Variants in DRG2 observed in about 807,000 individuals in gnomAD.
The protein encoded by DRG2 is developmentally regulated GTP binding protein 2.
In DRG2, 36 loss-of-function variants were observed where a neutral mutation model predicts 53.4. That is an observed-to-expected ratio of 0.67 (90% CI 0.52 to 0.89). The LOEUF is 0.89. Ranked by LOEUF, DRG2 falls within the 40% of genes least tolerant of loss-of-function variation. The pLI, the probability that DRG2 is intolerant of heterozygous loss-of-function variation, is 0.00. For missense variants in DRG2, 342 were observed against 481.2 expected (o/e 0.71, Z 2.71); for synonymous variants, 167 against 192.1 (o/e 0.87, Z 1.08).
At chr17:18,101,665 T>G in intron 8 of DRG2, 75 bp downstream of exon 8, 1 of 1,448,850 alleles carries the variant, frequency 6.9e-7, no homozygotes. Flanking sequence ...TCCCGGAACC[T>G]TGTGAGAGAA....
Position 18,100,082 on chromosome 17 carries a change from G to A in DRG2, c.468-281G>A. ...GGGGTACACCAGGCCTGCCTCCTCG[G>A]GACCAGAAGGAGTACCCTCATGTGG... On this transcript the variant is annotated intron_variant, in intron 5 of 12. Transcript: ENST00000225729. This position sits in a 1 kb window ranked among gnomAD's most constrained non-coding sequence, Gnocchi z 4.1. The A allele has an allele frequency of 1.7e-6, 1 of 578,706 alleles. No individual in the cohort carries two copies. The allele number at this position is 578,706 out of a possible 1,614,324, so 35.8% of individuals were successfully genotyped here.
chr17:18,088,086 G>C lies in DRG2; in HGVS notation c.63G>C (p.Lys21Asn). The change falls in exon 1 of 13, where the codon AAG becomes AAC. Residue 21 changes from lysine to asparagine, a missense_variant and splice_region_variant. Lys to Asn is a moderately conservative substitution (Grantham distance 94, BLOSUM62 0). Coordinates refer to ENST00000225729, the MANE Select transcript of DRG2 (RefSeq NM_001388.5). ...EKEIARTQKN[K>N]ATEYHLGLLK... ...AGATCGCTCGGACACAGAAGAACAA[G>C]GGTGAGGGCCGGCCGGGCGGGGCCT... 1.3e-6 allele frequency: 2 copies of C among 1,545,372 alleles called. No homozygotes were observed. Among genetic ancestry groups the C allele is most frequent in the Non-Finnish European group, 1.7e-6 (2 of 1,144,476 alleles).
chr17:18,095,760 A>G (rs1156738153), intron 2 of DRG2: 1 of 152,206 alleles, frequency 6.6e-6, no homozygotes, highest in Non-Finnish European at 1.5e-5. Context: ...CAAAGGTAAT[A>G]CAGAGTTCCC....
In DRG2 at chr17:18,107,210, T is replaced by C. The variant is rs778885584; in HGVS notation, c.1065T>C (p.His355=). 41 of 1,613,292 alleles carry C rather than the reference T, an allele frequency of 2.5e-5. No homozygotes were observed. The highest frequency in any genetic ancestry group is 3.1e-5 in the Non-Finnish European group (36 of 1,180,026). The part of the protein sequence containing the change: ...QRVGLTHTME[H]EDVIQIVKK ...TGGGCCTGACCCACACCATGGAGCA[T>C]GAGGACGTCATCCAGATCGTGAAGA... The change falls in exon 13 of 13, where the codon CAT becomes CAC. Residue 355 remains histidine (H), a synonymous_variant. Coordinates refer to ENST00000225729, the MANE Select transcript of DRG2 (RefSeq NM_001388.5).
chr17:18,102,476 C>A (rs2142202016), intron 9 of DRG2, among the ~76,000 whole-genome samples: 1 of 73,542 alleles, frequency 1.4e-5, no homozygotes, highest in Non-Finnish European at 3.1e-5. Flanking sequence ...CAAAAATTAG[C>A]TGGGCGTGGT....
intron 2 of DRG2, chr17:18,096,188 T>C (rs140636200): frequency 6.6e-6 from 1 of 152,288 alleles, no homozygotes; most frequent in African/African-American, 2.4e-5. Context: ...CTGGCTGAGG[T>C]GTGTCAGGTT....
intron 1 of DRG2, among the ~76,000 whole-genome samples, chr17:18,089,422 G>A (rs899586439): frequency 1.3e-5 from 2 of 152,216 alleles, no homozygotes; most frequent in African/African-American, 4.8e-5. Flanking sequence ...TTACAGGCAT[G>A]AGCCACCGTG....
At position 18,088,038 on chromosome 17, in the gene DRG2, G is replaced by A. The variant is rs755726092; in HGVS notation, c.15G>A (p.Glu5=). The A allele has an allele frequency of 6.5e-7, 1 of 1,549,960 alleles. No homozygotes were observed. Residue 5 remains glutamate, a synonymous_variant, in exon 1 of 13, where the codon GAG becomes GAA. Transcript: ENST00000225729. MGIL[E]KISEIEKEIA... ...CTGCTGCTACCATGGGGATCTTAGA[G>A]AAGATCTCGGAGATCGAGAAGGAGA...
chr17:18,090,537 C>A (rs968270194), intron 1 of DRG2, among the ~76,000 whole-genome samples: 10 of 147,632 alleles, frequency 6.8e-5, no homozygotes, highest in Admixed American at 6.2e-4. Flanking sequence ...CTGCCTCAGT[C>A]TCCCAGGTGT....
In DRG2 at chr17:18,104,658, A is replaced by G. The variant is rs753668831; in HGVS notation, c.931A>G (p.Lys311Glu). The G allele has an allele frequency of 1.2e-6, 2 of 1,613,880 alleles. No individual in the cohort carries two copies. Among genetic ancestry groups the G allele is most frequent in the South Asian group, 2.2e-5 (2 of 91,088 alleles). The change falls in exon 11 of 13, where the codon AAA becomes GAA. Residue 311 changes from lysine to glutamate, a missense_variant. Lys to Glu is a moderately conservative substitution (Grantham distance 56, BLOSUM62 1). Coordinates refer to ENST00000225729, the MANE Select transcript of DRG2 (RefSeq NM_001388.5). ...PDFTDAIILR[K>E]GASVEHVCHR... ...CTTCACAGACGCCATCATTCTCCGG[A>G]AAGGGGCCTCAGTGGAGCACGTGGT...
chr17:18,102,239 G>T (rs2045550760), intron 9 of DRG2, among the ~76,000 whole-genome samples: 1 of 152,224 alleles, frequency 6.6e-6, no homozygotes, highest in Admixed American at 6.5e-5. Context: ...TTCCAGTTCT[G>T]AATTGCCGTG....
chr17:18,099,586 A>T lies in DRG2; in HGVS notation c.377-47A>T. 1.3e-6 allele frequency: 2 copies of T among 1,561,416 alleles called. No homozygotes were observed. The highest frequency in any genetic ancestry group is 1.7e-6 in the Non-Finnish European group (2 of 1,151,564). On this transcript the variant is annotated intron_variant, in intron 4 of 12. Coordinates refer to ENST00000225729, the MANE Select transcript of DRG2 (RefSeq NM_001388.5). The surrounding 1 kb of genome is among the most constrained non-coding windows in gnomAD (Gnocchi z 4.4). Reference sequence around the variant, plus strand: ...TCCAGGGCGCCGTGGGCTGGGTAGCAGTCACATGGGTCCACATATGTAACT... The same window carrying T: ...TCCAGGGCGCCGTGGGCTGGGTAGCTGTCACATGGGTCCACATATGTAACT...
At chr17:18,101,762 G>A (rs2045541522) in intron 8 of DRG2, among the ~76,000 whole-genome samples, 159 bp from the exon 9 acceptor site, 1 of 152,182 alleles carries the variant, frequency 6.6e-6, no homozygotes, top group South Asian at 2.1e-4. Flanking sequence ...TGAAACCAGG[G>A]TTCCAGCCCA....
At chr17:18,094,660 A>T (rs1015964694) in intron 2 of DRG2, among the ~76,000 whole-genome samples, 2 of 152,076 alleles carry the variant, frequency 1.3e-5, no homozygotes, top group African/African-American at 4.8e-5. Context: ...TGGATTGAAG[A>T]ATGAAACTGC....
chr17:18,099,023 G>T lies in DRG2; in HGVS notation c.322G>T (p.Gly108Cys). 1.2e-6 allele frequency: 2 copies of T among 1,614,104 alleles called. No individual in the cohort carries two copies. Among genetic ancestry groups the T allele is most frequent in the Non-Finnish European group, 1.7e-6 (2 of 1,180,000 alleles). ...CTTCTCTTCTGCATCCTAGTACAAA[G>T]GTGCCAACATCCAGCTCCTGGACCT... Reference protein sequence around the residue: ...TCIPGVIEYKGANIQLLDLPG... With the variant: ...TCIPGVIEYKCANIQLLDLPG... Residue 108 changes from glycine (G) to cysteine (C), a missense_variant, in exon 4 of 13, where the codon GGT (glycine) becomes TGT (cysteine). Gly to Cys is a radical substitution (Grantham distance 159). Transcript: ENST00000225729. The surrounding 1 kb of genome is among the most constrained non-coding windows in gnomAD (Gnocchi z 4.4).
At chr17:18,091,633 G>C (rs973116745) in intron 1 of DRG2, among the ~76,000 whole-genome samples, 2 of 152,022 alleles carry the variant, frequency 1.3e-5, no homozygotes, top group Non-Finnish European at 2.9e-5. Flanking sequence ...AAGGCGGGCG[G>C]ATCACCTGAC....
rs2230317 is a variant in DRG2, at chr17:18,107,222, C to T, written c.1077C>T (p.Ile359=). The change falls in exon 13 of 13, where the codon ATC becomes ATT. Residue 359 remains isoleucine (I), a synonymous_variant. Transcript: ENST00000225729. ...LTHTMEHEDV[I]QIVKK ...ACACCATGGAGCATGAGGACGTCAT[C>T]CAGATCGTGAAGAAGTAACGGCGCC... 8,486 of 1,613,272 alleles carry T rather than the reference C, an allele frequency of 5.3e-3. 396 individuals carry two copies. The African/African-American group carries it at 0.097, about 18-fold the overall frequency.
rs776001581 is a variant in DRG2 at position 18,101,908 on chromosome 17, T to G, written c.730-13T>G. 2.3e-5 allele frequency: 37 copies of G among 1,608,648 alleles called. No homozygotes were observed. The Admixed American group carries it at 6.0e-4, about 26-fold the overall frequency. ...CCTGTCCTCAGCACCGGCCTCCACC[T>G]TCTCAATCTCAGGTTTATAACAAAA... is the stretch of plus-strand genomic sequence containing the variant. On this transcript the variant is annotated splice_polypyrimidine_tract_variant and intron_variant, in intron 8 of 12. Coordinates refer to ENST00000225729, the MANE Select transcript of DRG2 (RefSeq NM_001388.5).
rs572700850 is a variant in DRG2, at chr17:18,093,612, C to T, written c.65-201C>T. Among the ~76,000 whole-genome samples the T allele has an allele frequency of 2.6e-5, 4 of 152,308 alleles. No homozygotes were observed. In the East Asian group the frequency reaches 7.7e-4, roughly 29 times the overall value. Reference sequence around the variant, plus strand: ...GGATTACAGGCGTCAGCCACTGCGCCCGGTCTAAGAGACTGGATTTTATCT... The same window carrying T: ...GGATTACAGGCGTCAGCCACTGCGCTCGGTCTAAGAGACTGGATTTTATCT... On this transcript the variant is annotated intron_variant, in intron 1 of 12. Coordinates refer to ENST00000225729, the MANE Select transcript of DRG2 (RefSeq NM_001388.5).
Sources: allele counts gnomAD v4.1 joint callset (sites outside exome capture counted in the v4.1 genomes callset), GRCh38; gene constraint gnomAD v4.1.1; non-coding constraint Gnocchi (gnomAD v3.1); transcripts MANE v1.5; gene names NCBI Gene and HGNC (gene_info 2026-07-23, HGNC 2026-07-21).